Variants in ASAP2 observed in about 807,000 individuals in gnomAD.
The protein encoded by ASAP2 is ArfGAP with SH3 domain, ankyrin repeat and PH domain 2.
A neutral mutation model predicts 131.4 loss-of-function variants in ASAP2; 45 were observed. That is an observed-to-expected ratio of 0.34 (90% CI 0.27 to 0.44). ASAP2 has a LOEUF of 0.44. Among genes scored for constraint, ASAP2 ranks in the 20% least tolerant of loss-of-function variants. The probability of loss-of-function intolerance (pLI) is 1.00; values close to 1 mark genes in which losing one functional copy is unlikely to be tolerated. For synonymous variants in ASAP2, 510 were observed against 503.0 expected (o/e 1.01, Z -0.19); for missense variants, 1,011 against 1,297.0 (o/e 0.78, Z 3.39).
intron 3 of ASAP2, among the ~76,000 whole-genome samples, chr2:9,300,245 A>C (rs1043016466): frequency 6.6e-6 from 1 of 152,204 alleles, no homozygotes; most frequent in Non-Finnish European, 1.5e-5. Context: ...AAAACAAAAG[A>C]AGCAGCAGCT....
chr2:9,325,289 A>G (rs895020823), intron 6 of ASAP2, among the ~76,000 whole-genome samples: 4 of 152,256 alleles, frequency 2.6e-5, no homozygotes, highest in African/African-American at 9.6e-5. Context: ...TCAGCGAGAC[A>G]GCATGAGACA....
Position 9,374,617 on chromosome 2 carries a change from T to A in ASAP2, c.1557-138T>A, listed in dbSNP as rs1572577981. On this transcript the variant is annotated intron_variant, in intron 16 of 27. Coordinates refer to ENST00000281419, the MANE Select transcript of ASAP2 (RefSeq NM_003887.3). ...AGCCGTAGAACCACATGGCGGCCAC[T>A]CCCGCTTTGTGTTTCGGGGCCAGCG... The A allele has an allele frequency of 8.8e-6, 7 of 792,432 alleles. No homozygotes were observed. The Admixed American group carries it at 1.6e-4, about 18-fold the overall frequency. The allele number at this position is 792,432 out of a possible 1,614,324, so 49.1% of individuals were successfully genotyped here. A position where few individuals can be genotyped will look rare whatever the true frequency, so the allele number is the denominator to read the frequency against.
chr2:9,218,601 C>T (rs1430353917), intron 1 of ASAP2, among the ~76,000 whole-genome samples: 1 of 152,040 alleles, frequency 6.6e-6, no homozygotes, highest in Admixed American at 6.5e-5. Flanking sequence ...AGGCCTTGTA[C>T]TGTATTCCCC....
At chr2:9,276,261 G>A (rs1666753302) in intron 1 of ASAP2, among the ~76,000 whole-genome samples, 3 of 152,206 alleles carry the variant, frequency 2.0e-5, no homozygotes, top group African/African-American at 7.2e-5. Flanking sequence ...TCGTGGAGGT[G>A]GCAAGGCATC....
intron 1 of ASAP2, among the ~76,000 whole-genome samples, chr2:9,224,870 TG>T (rs892042287): frequency 1.3e-5 from 2 of 152,176 alleles, no homozygotes; most frequent in Non-Finnish European, 2.9e-5. Context: ...GGAAGCACAG[TG>T]GTCGTGCCCA....
intron 11 of ASAP2, among the ~76,000 whole-genome samples, chr2:9,346,104 C>T (rs77350835): frequency 0.043 from 6,496 of 152,090 alleles, 369 homozygotes; most frequent in African/African-American, 0.12. Context: ...CCTGCCCCCG[C>T]GACCCCAGGG....
intron 2 of ASAP2, among the ~76,000 whole-genome samples, chr2:9,292,293 G>A (rs978695245): frequency 5.9e-5 from 9 of 152,054 alleles, no homozygotes; most frequent in Non-Finnish European, 1.2e-4. Flanking sequence ...GCTGAGGAGG[G>A]TGGATCATGA....
At chr2:9,322,062 G>A (rs566311706) in intron 5 of ASAP2, among the ~76,000 whole-genome samples, 39 of 152,234 alleles carry the variant, frequency 2.6e-4, no homozygotes, top group Admixed American at 1.0e-3. Context: ...GAGTGTCAGC[G>A]ACACCTTGGA....
chr2:9,251,342 G>A (rs756449430), intron 1 of ASAP2, among the ~76,000 whole-genome samples: 3 of 152,094 alleles, frequency 2.0e-5, no homozygotes, highest in Non-Finnish European at 4.4e-5. Flanking sequence ...GGCTCCATCT[G>A]CTTGGTACTC....
intron 2 of ASAP2, among the ~76,000 whole-genome samples, chr2:9,284,300 G>T (rs548915092): frequency 6.6e-6 from 1 of 152,152 alleles, no homozygotes; most frequent in Non-Finnish European, 1.5e-5. Context: ...AAATTAAAGG[G>T]TACCTAACAT....
At chr2:9,352,320 C>T (rs1672407003) in intron 12 of ASAP2, among the ~76,000 whole-genome samples, 1 of 152,162 alleles carries the variant, frequency 6.6e-6, no homozygotes, top group Non-Finnish European at 1.5e-5. Flanking sequence ...TTTCAGAAAA[C>T]CTGATGGTGT....
At chr2:9,353,886 G>T (rs1672514375) in intron 12 of ASAP2, among the ~76,000 whole-genome samples, 1 of 151,716 alleles carries the variant, frequency 6.6e-6, no homozygotes, top group African/African-American at 2.4e-5. Flanking sequence ...GAGGTGGGGG[G>T]ATCACTTGAG....
At chr2:9,321,142 C>G (rs938680340) in intron 5 of ASAP2, among the ~76,000 whole-genome samples, 2 of 152,070 alleles carry the variant, frequency 1.3e-5, no homozygotes, top group African/African-American at 2.4e-5. Flanking sequence ...CCATATGAAG[C>G]TATCTGTTAA....
chr2:9,271,420 C>G (rs1446217181), intron 1 of ASAP2: 1 of 1,434,896 alleles, frequency 7.0e-7, no homozygotes, highest in Admixed American at 1.7e-5. Flanking sequence ...AATTACAGTA[C>G]CATTGCAGGC....
intron 25 of ASAP2, 137 bp from the exon 26 acceptor site, chr2:9,400,605 A>C (rs911404201): frequency 2.7e-6 from 2 of 746,950 alleles, no homozygotes; most frequent in African/African-American, 3.5e-5. Flanking sequence ...TCCAAGTCAG[A>C]AGGTTCCCTT....
chr2:9,394,809 C>T (rs551530411), intron 24 of ASAP2, among the ~76,000 whole-genome samples: 1 of 152,256 alleles, frequency 6.6e-6, no homozygotes, highest in South Asian at 2.1e-4. Flanking sequence ...GTGGGGTCTT[C>T]GTCTTTTCTC....
rs1351463871 is a variant in ASAP2 at position 9,268,496 on chromosome 2, C to T, written c.127-10821C>T. 1.3e-5 allele frequency among the ~76,000 whole-genome samples: 2 copies of T among 152,168 alleles called. No individual in the cohort carries two copies. The highest frequency in any genetic ancestry group is 2.4e-5 in the African/African-American group (1 of 41,430). The stretch of plus-strand genomic sequence containing the variant: ...CTTTATTCCCACAAGGGGGGAGGTT[C>T]GTTATTGCTCTGGCTTTAAACGGAG... On this transcript the variant is annotated intron_variant, in intron 1 of 27. Coordinates refer to ENST00000281419, the MANE Select transcript of ASAP2 (RefSeq NM_003887.3). The surrounding 1 kb of genome is among the most constrained non-coding windows in gnomAD (Gnocchi z 4.1).
chr2:9,209,681 T>C (rs543024004), intron 1 of ASAP2, among the ~76,000 whole-genome samples: 1 of 152,384 alleles, frequency 6.6e-6, no homozygotes, highest in African/African-American at 2.4e-5. Flanking sequence ...GCGATTCTCC[T>C]GCCTCAGCCT....
chr2:9,213,155 A>G (rs189384551), intron 1 of ASAP2, among the ~76,000 whole-genome samples: 1 of 152,362 alleles, frequency 6.6e-6, no homozygotes, highest in East Asian at 1.9e-4. Flanking sequence ...GGAGATCAGG[A>G]AACCGAAATC....
Sources: gnomAD v4.1 joint callset for allele counts (sites outside exome capture counted in the v4.1 genomes callset) on GRCh38, gnomAD v4.1.1 for gene constraint, Gnocchi (gnomAD v3.1) non-coding constraint, MANE v1.5 for transcripts, NCBI Gene and HGNC (gene_info 2026-07-23, HGNC 2026-07-21) for gene names.